The following EPG5 variants were observed in gnomAD, a reference collection of about 807,000 sequenced individuals.
EPG5 encodes the protein ectopic P-granules 5 autophagy tethering factor.
In EPG5, 159 loss-of-function variants were observed where a neutral mutation model predicts 302.7. The ratio of observed to expected loss-of-function variants is 0.53; its 90% CI spans 0.46 to 0.60. The LOEUF (loss-of-function observed/expected upper bound fraction) is 0.60, where lower values mean the gene tolerates loss of function less well. EPG5 is among the 20% of genes least tolerant of loss of function. EPG5 has a pLI of 0.00. For missense variants in EPG5, 2,896 were observed against 3,092.4 expected (o/e 0.94, Z 1.51); for synonymous variants, 1,158 against 1,136.8 (o/e 1.02, Z -0.37).
chr18:45,813,040 C>T, the EPG5 span, among the ~76,000 whole-genome samples: 1 of 152,142 alleles, frequency 6.6e-6, no homozygotes, highest in Non-Finnish European at 1.5e-5. Flanking sequence ...GGCTAATATA[C>T]AGAATCTACA....
intron 1 of EPG5, among the ~76,000 whole-genome samples, chr18:45,958,142 G>C (rs2051071434): frequency 6.6e-6 from 1 of 152,134 alleles, no homozygotes; most frequent in African/African-American, 2.4e-5. Flanking sequence ...CATAATACTT[G>C]TACTCTGAAA....
At chr18:45,915,203 G>A (rs1447517373) in intron 20 of EPG5, among the ~76,000 whole-genome samples, 8 of 151,920 alleles carry the variant, frequency 5.3e-5, no homozygotes, top group Admixed American at 2.6e-4. Context: ...GCTTGAACCC[G>A]GGAGGCAGAG....
At chr18:45,858,869 TG>T in intron 40 of EPG5, 87 bp from the exon 41 acceptor site, 4 of 1,056,822 alleles carry the variant, frequency 3.8e-6, no homozygotes, top group Non-Finnish European at 5.6e-6. Context: ...TTAAGCTTCA[TG>T]ATTTTTTTTT....
chr18:45,896,868 A>C (rs556299376), intron 27 of EPG5, among the ~76,000 whole-genome samples: 250 of 152,352 alleles, frequency 1.6e-3, no homozygotes, highest in African/African-American at 5.7e-3. Context: ...TAAAGAAAAG[A>C]AAGCACAAGA....
rs752906979 is a variant in EPG5 at position 45,860,141 on chromosome 18, C to G, written c.6972G>C (p.Glu2324Asp). 6 of 1,614,140 alleles carry G rather than the reference C, an allele frequency of 3.7e-6. No homozygotes were observed. The South Asian group carries it at 6.6e-5, about 18-fold the overall frequency. The change falls in exon 40 of 44, where the codon GAG becomes GAC. Residue 2324 changes from glutamate to aspartate, a missense_variant. Glu to Asp is a conservative substitution (Grantham distance 45). Around this residue, in one of 5 missense-constraint regions of EPG5, gnomAD observed 620 missense variants for 704.2 expected, o/e 0.88. Transcript: ENST00000282041. ...QSLASVRHMA[E>D]TTEACITAYF... The stretch of plus-strand genomic sequence containing the variant: ...AGGCAGTGATGCAGGCTTCTGTAGT[C>G]TCAGCCATGTGGCGGACGGACGCCA...
chr18:45,830,124 A>G, the EPG5 span, among the ~76,000 whole-genome samples: 1 of 101,314 alleles, frequency 9.9e-6, no homozygotes, highest in Admixed American at 9.6e-5. Flanking sequence ...GACTACGCCC[A>G]CAGAAGATCT....
intron 39 of EPG5, among the ~76,000 whole-genome samples, chr18:45,865,161 T>C (rs2145252255): frequency 6.6e-6 from 1 of 152,330 alleles, no homozygotes; most frequent in Admixed American, 6.5e-5. Flanking sequence ...ACTCCACTAA[T>C]AAATTTAATT....
At chr18:45,858,183 C>T (rs1233612427) in intron 41 of EPG5, 115 bp from the exon 42 acceptor site, 2 of 766,980 alleles carry the variant, frequency 2.6e-6, no homozygotes, top group South Asian at 3.5e-5. Flanking sequence ...TTCAAAAGCA[C>T]AGGCTAACGG....
chr18:45,845,270 A>G (rs1357252071), downstream of EPG5, among the ~76,000 whole-genome samples: 1 of 152,196 alleles, frequency 6.6e-6, no homozygotes, highest in East Asian at 1.9e-4. Context: ...CCTCAGAGAG[A>G]CATGCCTCTG....
In EPG5 at chr18:45,857,943, T is replaced by G; in HGVS notation, c.7352A>C (p.Gln2451Pro). The G allele has an allele frequency of 6.2e-7, 1 of 1,613,308 alleles. No individual in the cohort carries two copies. The highest frequency in any genetic ancestry group is 8.5e-7 in the Non-Finnish European group (1 of 1,180,014). ...CTCAGCCACGAGGTTCTGCCTGCTC[T>G]GAACCAAGAGCAGAATTCGAATGAC... ...ESVIRILLLV[Q>P]SRQNLVAEER... is the part of the protein sequence containing the mutation. Residue 2451 changes from glutamine to proline, a missense_variant, in exon 42 of 44, where the codon CAG (glutamine) becomes CCG (proline). By Grantham distance (76) the Gln-to-Pro change is moderately conservative (BLOSUM62 -1). Around this residue, in one of 5 missense-constraint regions of EPG5, gnomAD observed 620 missense variants for 704.2 expected, o/e 0.88. Coordinates refer to ENST00000282041, the MANE Select transcript of EPG5 (RefSeq NM_020964.3).
chr18:45,846,860 G>C (rs2048369372), downstream of EPG5, among the ~76,000 whole-genome samples: 4 of 152,194 alleles, frequency 2.6e-5, no homozygotes, highest in Non-Finnish European at 1.5e-5. Context: ...GGCAAAGAAA[G>C]ACCAAGAGAG....
chr18:45,860,901 C>CTT (rs1568097629), intron 39 of EPG5, among the ~76,000 whole-genome samples: 36 of 151,968 alleles, frequency 2.4e-4, no homozygotes, highest in Non-Finnish European at 1.5e-5. Flanking sequence ...GAAAGTAAAC[C>CTT]AACTGGTAAT....
intron 27 of EPG5, among the ~76,000 whole-genome samples, chr18:45,897,465 C>G (rs1011157305): frequency 1.3e-5 from 2 of 152,168 alleles, no homozygotes; most frequent in Non-Finnish European, 2.9e-5. Context: ...AACTCGAACT[C>G]CACCCAAAAT....
intron 12 of EPG5, among the ~76,000 whole-genome samples, chr18:45,929,981 T>C (rs1008282674): frequency 6.6e-6 from 1 of 152,368 alleles, no homozygotes; most frequent in Middle Eastern, 3.4e-3. Flanking sequence ...ATATTTTGTA[T>C]GCAGATAAAC....
chr18:45,936,814 GCACT>G (rs1173002469), intron 10 of EPG5, among the ~76,000 whole-genome samples: 1 of 148,268 alleles, frequency 6.7e-6, no homozygotes, highest in Non-Finnish European at 1.5e-5. Context: ...AAAATACGAG[GCACT>G]CAAAGCTGTT....
Position 45,937,243 on chromosome 18 carries a change from C to T in EPG5, c.2100-2277G>A, listed in dbSNP as rs796987032. On this transcript the variant is annotated intron_variant, in intron 10 of 43. Coordinates refer to ENST00000282041, the MANE Select transcript of EPG5 (RefSeq NM_020964.3). ...ATATATATACATATATATACACACA[C>T]ACACACACACACACACACACACACA... Among the ~76,000 whole-genome samples the T allele has an allele frequency of 8.6e-3, 876 of 101,556 alleles. 14 individuals carry two copies. Among genetic ancestry groups the T allele is most frequent in the African/African-American group, 0.034 (668 of 19,906 alleles). The allele number at this position is 101,556 out of a possible 152,430, so 66.6% of individuals were successfully genotyped here.
chr18:45,895,244 A>C (rs1276760059), intron 27 of EPG5, among the ~76,000 whole-genome samples: 1 of 152,190 alleles, frequency 6.6e-6, no homozygotes, highest in African/African-American at 2.4e-5. Flanking sequence ...TGGAAGGTAA[A>C]GGTGAGATTA....
chr18:45,843,079 C>T (rs2048338661), downstream of EPG5: 1 of 152,270 alleles, frequency 6.6e-6, no homozygotes, highest in Non-Finnish European at 1.5e-5. Context: ...AAACCAGGCT[C>T]CCCTCTCTCA....
chr18:45,896,308 T>A (rs1214630623), intron 27 of EPG5, among the ~76,000 whole-genome samples: 1 of 152,202 alleles, frequency 6.6e-6, no homozygotes. Context: ...CAGTGAGGGA[T>A]CTCAAGCTTG....
Sources: gnomAD v4.1 joint callset for allele counts (sites outside exome capture counted in the v4.1 genomes callset) on GRCh38, gnomAD v4.1.1 for gene constraint, gnomAD v4.1.1 regional missense constraint, MANE v1.5 for transcripts, NCBI Gene and HGNC (gene_info 2026-07-23, HGNC 2026-07-21) for gene names.